Variants in MBP observed in about 807,000 individuals in gnomAD.
MBP encodes the protein myelin basic protein, also known as Golli-MBP.
Under a neutral mutation model 35.8 loss-of-function variants are expected in MBP, and 16 were observed. The observed-to-expected ratio is 0.45, with a 90% CI of 0.30 to 0.68. The LOEUF (loss-of-function observed/expected upper bound fraction) is 0.68, where lower values mean the gene tolerates loss of function less well. Among genes scored for constraint, MBP ranks in the 30% least tolerant of loss-of-function variants. MBP has a pLI of 0.08. For synonymous variants in MBP, 143 were observed against 159.6 expected (o/e 0.90, Z 0.78); for missense variants, 380 against 404.7 (o/e 0.94, Z 0.52).
Position 76,989,819 on chromosome 18 carries a change from T to G in MBP, c.681+137A>C. 2.9e-6 allele frequency: 2 copies of G among 682,372 alleles called. No individual in the cohort carries two copies. The highest frequency in any genetic ancestry group is 5.1e-6 in the Non-Finnish European group (2 of 389,758). 42.3% of individuals were successfully genotyped at this position (682,372 alleles called of 1,614,324 possible). A position where few individuals can be genotyped will look rare whatever the true frequency, so the allele number is the denominator to read the frequency against. ...CTCGCGATCAGGTGCGAGGGGGGAG[T>G]TCCCCGGCCGGCCTCACCCTGATGA... is the stretch of plus-strand genomic sequence containing the variant. On this transcript the variant is annotated intron_variant, in intron 5 of 8. Coordinates refer to ENST00000355994, the MANE Select transcript of MBP (RefSeq NM_001025101.2). The surrounding 1 kb of genome is among the most constrained non-coding windows in gnomAD (Gnocchi z 4.0).
Position 77,131,866 on chromosome 18 carries a change from C to A in MBP, c.-26+714G>T, listed in dbSNP as rs1384858323. ...CCGGCGGGCGGCTGCGGGCGGCGCACGTGGGCCCAGGTGGGCGCAGCGACG... is the reference window on the plus strand; with the variant it reads ...CCGGCGGGCGGCTGCGGGCGGCGCAAGTGGGCCCAGGTGGGCGCAGCGACG... On this transcript the variant is annotated intron_variant, in intron 1 of 8. Coordinates refer to ENST00000355994, the MANE Select transcript of MBP (RefSeq NM_001025101.2). The surrounding 1 kb of genome is among the most constrained non-coding windows in gnomAD (Gnocchi z 5.5). Among the ~76,000 whole-genome samples the A allele has an allele frequency of 6.6e-6, 1 of 152,032 alleles. No homozygotes were observed. Among genetic ancestry groups the A allele is most frequent in the African/African-American group, 2.4e-5 (1 of 41,432 alleles).
intron 2 of MBP, among the ~76,000 whole-genome samples, chr18:77,081,720 C>T (rs1974905220): frequency 6.6e-6 from 1 of 150,442 alleles, no homozygotes; most frequent in African/African-American, 2.4e-5. Context: ...GATGTCCACA[C>T]AGAGCTTATA....
At chr18:76,987,816 G>A (rs1313606638) in intron 7 of MBP, 41 of 1,038,042 alleles carry the variant, frequency 3.9e-5, no homozygotes, top group Admixed American at 5.1e-5. Flanking sequence ...ATAATGATTG[G>A]CATTTTAATT....
intron 3 of MBP, among the ~76,000 whole-genome samples, chr18:77,048,754 A>G (rs1973362742): frequency 6.6e-6 from 1 of 152,046 alleles, no homozygotes; most frequent in Non-Finnish European, 1.5e-5. Context: ...GTGAGCCACC[A>G]TGCCCAGCCA....
At chr18:76,995,089 T>G (rs1158946503) in intron 4 of MBP, among the ~76,000 whole-genome samples, 2 of 152,220 alleles carry the variant, frequency 1.3e-5, no homozygotes, top group African/African-American at 4.8e-5. Context: ...TAAAAATTAT[T>G]ACATATAATA....
At chr18:77,091,553 C>G (rs1975520795) in intron 2 of MBP, among the ~76,000 whole-genome samples, 1 of 151,982 alleles carries the variant, frequency 6.6e-6, no homozygotes, top group Non-Finnish European at 1.5e-5. Flanking sequence ...TTCAAGGGCA[C>G]TCGCCACGGA....
chr18:77,110,521 C>G (rs1032512596), intron 1 of MBP: 1 of 152,020 alleles, frequency 6.6e-6, no homozygotes, highest in Non-Finnish European at 1.5e-5. Flanking sequence ...ACCTTCTCCC[C>G]AGTCCCCCAC....
rs780879947 is a variant in MBP at position 76,988,424 on chromosome 18, A to G, written c.750+71T>C. The G allele has an allele frequency of 1.9e-6, 3 of 1,614,098 alleles. No individual in the cohort carries two copies. The highest frequency in any genetic ancestry group is 2.7e-5 in the African/African-American group (2 of 74,940). Reference sequence around the variant, plus strand: ...CCAGGAAGCAACCGAAACAGAGCAGAACACAAAAGTTGCGGGGCTGTGAGG... The same window carrying G: ...CCAGGAAGCAACCGAAACAGAGCAGGACACAAAAGTTGCGGGGCTGTGAGG... On this transcript the variant is annotated intron_variant, in intron 7 of 8. Transcript: ENST00000355994. The surrounding 1 kb of genome is among the most constrained non-coding windows in gnomAD (Gnocchi z 5.2).
intron 2 of MBP, 89 bp downstream of exon 2, chr18:77,105,122 G>A (rs1976219881): frequency 1.7e-6 from 2 of 1,179,836 alleles, no homozygotes; most frequent in Non-Finnish European, 2.5e-6. Flanking sequence ...AGCAGCAAGA[G>A]CCCATGCCCG....
chr18:77,044,899 CTG>C lies in MBP; in HGVS notation c.139+21397_139+21398del, dbSNP rs532378313. 5.2e-5 allele frequency among the ~76,000 whole-genome samples: 7 copies of C among 134,982 alleles called. No homozygotes were observed. Among genetic ancestry groups the C allele is most frequent in the Non-Finnish European group, 1.1e-4 (7 of 62,948 alleles). The allele number at this position is 134,982 out of a possible 152,430, so 88.6% of individuals were successfully genotyped here. A position where few individuals can be genotyped will look rare whatever the true frequency, so the allele number is the denominator to read the frequency against. On this transcript the variant is annotated intron_variant, in intron 3 of 8. Coordinates refer to ENST00000355994, the MANE Select transcript of MBP (RefSeq NM_001025101.2). This position sits in a 1 kb window ranked among gnomAD's most constrained non-coding sequence, Gnocchi z 4.4. Reference sequence around the variant, plus strand: ...GTATCCTGTGTGTAAGTGTGTGTGACTGTGTGAGTGTGTAAGAAAATGTGAGT... The same window carrying C: ...GTATCCTGTGTGTAAGTGTGTGTGACTGTGAGTGTGTAAGAAAATGTGAGT...
At chr18:77,004,346 A>G (rs1970799318) in intron 4 of MBP, 1 of 152,110 alleles carries the variant, frequency 6.6e-6, no homozygotes, top group African/African-American at 2.4e-5. Context: ...ACCATGCCTC[A>G]GGAGAGTATG....
intron 4 of MBP, 77 bp from the exon 5 acceptor site, chr18:76,990,137 T>C: frequency 1.1e-6 from 1 of 887,044 alleles, no homozygotes. Context: ...AAGCTGGATC[T>C]CTCCTCCTTT....
chr18:77,090,509 T>C (rs1009264813), intron 2 of MBP, among the ~76,000 whole-genome samples: 6 of 152,186 alleles, frequency 3.9e-5, no homozygotes, highest in African/African-American at 1.4e-4. Flanking sequence ...AAAACACTGA[T>C]TGGGTTTTCA....
chr18:77,003,343 G>C (rs1381345982), intron 4 of MBP: 1 of 152,168 alleles, frequency 6.6e-6, no homozygotes, highest in Non-Finnish European at 1.5e-5. Flanking sequence ...TCCACAAAGC[G>C]GCATTCGGGA....
At chr18:77,047,566 T>C (rs1973309761) in intron 3 of MBP, among the ~76,000 whole-genome samples, 1 of 152,204 alleles carries the variant, frequency 6.6e-6, no homozygotes, top group Admixed American at 6.5e-5. Flanking sequence ...TTAACGATGG[T>C]TGCACAGTTC....
In MBP at chr18:77,013,628, G is replaced by A. The variant is rs1174802218; in HGVS notation, c.576+3204C>T. On this transcript the variant is annotated intron_variant, in intron 4 of 8. Transcript: ENST00000355994. Reference sequence around the variant, plus strand: ...AGGCATAGAAGTCATACTGAATGCTGAATAGAAGAACACTGAGAAGAGCAG... The same window carrying A: ...AGGCATAGAAGTCATACTGAATGCTAAATAGAAGAACACTGAGAAGAGCAG... 7.1e-6 allele frequency: 7 copies of A among 985,410 alleles called. No individual in the cohort carries two copies. The East Asian group carries it at 3.4e-4, about 48-fold the overall frequency. The allele number at this position is 985,410 out of a possible 1,614,324, so 61.0% of individuals were successfully genotyped here. A position where few individuals can be genotyped will look rare whatever the true frequency, so the allele number is the denominator to read the frequency against.
At chr18:76,990,260 A>G (rs1428967745) in intron 4 of MBP, among the ~76,000 whole-genome samples, 200 bp from the exon 5 acceptor site, 7 of 152,054 alleles carry the variant, frequency 4.6e-5, no homozygotes, top group Admixed American at 6.5e-5. Flanking sequence ...CAACTCCACG[A>G]ACAGTAAGAA....
intron 7 of MBP, 149 bp from the exon 8 acceptor site, chr18:76,985,043 G>A (rs1030092816): frequency 2.7e-6 from 4 of 1,488,740 alleles, no homozygotes; most frequent in East Asian, 2.4e-5. Context: ...CCAGCACCAC[G>A]CTGAGGGGGT....
At chr18:76,991,114 C>T (rs577416126) in intron 4 of MBP, among the ~76,000 whole-genome samples, 11 of 152,268 alleles carry the variant, frequency 7.2e-5, no homozygotes, top group East Asian at 3.9e-4. Context: ...TGGGCTTTGA[C>T]GCGGCTGCAT....
Sources: gnomAD v4.1 joint callset for allele counts (sites outside exome capture counted in the v4.1 genomes callset) on GRCh38, gnomAD v4.1.1 for gene constraint, Gnocchi (gnomAD v3.1) non-coding constraint, MANE v1.5 for transcripts, NCBI Gene and HGNC (gene_info 2026-07-23, HGNC 2026-07-21) for gene names.